The following C8orf74 variants were observed in gnomAD, a reference collection of about 807,000 sequenced individuals.
The protein encoded by C8orf74 is uncharacterized protein C8orf74.
In C8orf74, 29 loss-of-function variants were observed where a neutral mutation model predicts 22.2. The observed-to-expected ratio is 1.31, with a 90% CI of 0.97 to 1.78. The LOEUF (loss-of-function observed/expected upper bound fraction) is 1.78, where lower values mean the gene tolerates loss of function less well. Among genes scored for constraint, C8orf74 ranks in the 40% most tolerant of loss-of-function variants. C8orf74 has a pLI of 0.00. For missense variants in C8orf74, 515 were observed against 369.9 expected, an observed-to-expected ratio of 1.39 and a Z score of -3.22; for synonymous variants, 255 against 163.1, an observed-to-expected ratio of 1.56 and a Z score of -4.30.
intron 2 of C8orf74, among the ~76,000 whole-genome samples, chr8:10,696,792 T>A (rs1799511159): frequency 6.6e-6 from 1 of 152,012 alleles, no homozygotes; most frequent in Non-Finnish European, 1.5e-5. Context: ...TACATTCTCA[T>A]CTCCTTCCTA....
intron 2 of C8orf74, among the ~76,000 whole-genome samples, chr8:10,675,321 G>A (rs189575345): frequency 6.6e-6 from 1 of 152,342 alleles, no homozygotes; most frequent in East Asian, 1.9e-4. Context: ...CTGGCCCTGT[G>A]CAGGGCTTGC....
At chr8:10,685,166 G>T (rs1043643362) in intron 2 of C8orf74, among the ~76,000 whole-genome samples, 1 of 152,214 alleles carries the variant, frequency 6.6e-6, no homozygotes, top group Non-Finnish European at 1.5e-5. Flanking sequence ...TGGAGCTACA[G>T]TTAAGGGTGG....
Position 10,700,497 on chromosome 8 carries a change from G to C in C8orf74, c.*26G>C. 3.5e-6 allele frequency: 5 copies of C among 1,442,616 alleles called. No individual in the cohort carries two copies. The highest frequency in any genetic ancestry group is 4.7e-6 in the Non-Finnish European group (5 of 1,066,956). 89.4% of individuals were successfully genotyped at this position (1,442,616 alleles called of 1,614,324 possible). On this transcript the variant is annotated 3_prime_UTR_variant, in exon 4 of 4. Transcript: ENST00000304519. The stretch of plus-strand genomic sequence containing the variant: ...AAGGTCCCGACTGCCACACGAGACT[G>C]ACTGGGGACCAGCCACCCATAACCA...
At chr8:10,687,123 G>GCCA (rs1291151336) in intron 2 of C8orf74, 2 of 456,168 alleles carry the variant, frequency 4.4e-6, no homozygotes, top group African/African-American at 4.0e-5. Context: ...GTGTAGGAAT[G>GCCA]CCAGCAGAGG....
chr8:10,674,910 C>T (rs1288287934), intron 2 of C8orf74, 72 bp downstream of exon 2: 8 of 1,308,362 alleles, frequency 6.1e-6, no homozygotes, highest in East Asian at 5.1e-5. Flanking sequence ...ACTCCCCTGC[C>T]GTCCACAGCC....
chr8:10,696,441 C>CTTTTTTTTTTTTTTTTTTTTTTTTTTTT (rs546082377), intron 2 of C8orf74, among the ~76,000 whole-genome samples: 1 of 102,424 alleles, frequency 9.8e-6, no homozygotes, highest in Non-Finnish European at 1.9e-5. Context: ...CTTTTCTTTT[C>CTTTTTTTTTTTTTTTTTTTTTTTTTTTT]TTTTTTTTTT....
chr8:10,691,751 G>A (rs10107820), intron 2 of C8orf74: 21,292 of 152,274 alleles, frequency 0.14, 4,809 homozygotes, highest in African/African-American at 0.47. Context: ...TTAACCCCAA[G>A]GAATTTGATA....
At chr8:10,690,401 G>C (rs979392850) in intron 2 of C8orf74, among the ~76,000 whole-genome samples, 7 of 152,250 alleles carry the variant, frequency 4.6e-5, no homozygotes, top group Non-Finnish European at 7.4e-5. Context: ...GAGCACAAAG[G>C]GGGCAGGGGG....
intron 3 of C8orf74, among the ~76,000 whole-genome samples, chr8:10,698,922 C>CAA (rs1799592225): frequency 6.6e-6 from 1 of 151,192 alleles, no homozygotes; most frequent in Non-Finnish European, 1.5e-5. Flanking sequence ...CACACACACA[C>CAA]ACACACACAC....
At chr8:10,686,225 T>C (rs1431573364) in intron 2 of C8orf74, among the ~76,000 whole-genome samples, 2 of 152,226 alleles carry the variant, frequency 1.3e-5, no homozygotes, top group Admixed American at 6.5e-5. Flanking sequence ...AATGGCTGTG[T>C]TGTACTCTCC....
At chr8:10,696,034 C>T (rs556418965) in intron 2 of C8orf74, among the ~76,000 whole-genome samples, 16 of 152,298 alleles carry the variant, frequency 1.1e-4, no homozygotes, top group African/African-American at 3.9e-4. Flanking sequence ...GGTCTCCACG[C>T]CTGGGCCATG....
At chr8:10,688,947 C>T (rs966613681) in intron 2 of C8orf74, 2 of 152,244 alleles carry the variant, frequency 1.3e-5, no homozygotes, top group African/African-American at 4.8e-5. Context: ...TCCTGACAAT[C>T]CTGCCTGTCC....
At chr8:10,697,205 G>A (rs1199812270) in intron 2 of C8orf74, among the ~76,000 whole-genome samples, 2 of 152,170 alleles carry the variant, frequency 1.3e-5, no homozygotes, top group South Asian at 2.1e-4. Context: ...TTAGGAGGCC[G>A]AGGCAGGAGG....
At chr8:10,693,092 T>A (rs1273777579) in intron 2 of C8orf74, 2 of 152,298 alleles carry the variant, frequency 1.3e-5, no homozygotes, top group Non-Finnish European at 2.9e-5. Flanking sequence ...TGCTAGGGGC[T>A]TTGAGGGCCT....
intron 2 of C8orf74, among the ~76,000 whole-genome samples, chr8:10,690,603 G>A (rs930666254): frequency 6.6e-6 from 1 of 152,050 alleles, no homozygotes; most frequent in African/African-American, 2.4e-5. Flanking sequence ...CTGGTTTATC[G>A]GGGTACCTGA....
intron 3 of C8orf74, 65 bp from the exon 4 acceptor site, chr8:10,700,170 G>C: frequency 9.7e-7 from 1 of 1,026,852 alleles, no homozygotes; most frequent in South Asian, 1.6e-5. Context: ...AACAGGGGCT[G>C]AGTTGAGAAC....
intron 1 of C8orf74, among the ~76,000 whole-genome samples, chr8:10,673,973 A>C: frequency 2.0e-5 from 2 of 100,504 alleles, no homozygotes; most frequent in African/African-American, 4.0e-5. Context: ...CATATCCCAC[A>C]ACCCCCATAT....
rs112327878 is a variant in C8orf74 at position 10,686,324 on chromosome 8, C to G, written c.242-11275C>G. 2.9e-3 allele frequency among the ~76,000 whole-genome samples: 437 copies of G among 152,274 alleles called. 1 individual carries two copies. Among genetic ancestry groups the G allele is most frequent in the African/African-American group, 0.01 (420 of 41,538 alleles). ...TGCATGCTCTAAACCTCAGTTTCTT[C>G]ATCTGTTAAATGGTGTCAAATACCT... On this transcript the variant is annotated intron_variant, in intron 2 of 3. Transcript: ENST00000304519.
At position 10,672,763 on chromosome 8, in the gene C8orf74, G is replaced by T. The variant is rs1563152594; in HGVS notation, c.48+50G>T. 5 of 1,514,698 alleles carry T rather than the reference G, an allele frequency of 3.3e-6. No individual in the cohort carries two copies. The East Asian group carries it at 1.2e-4, about 37-fold the overall frequency. The allele number at this position is 1,514,698 out of a possible 1,614,324, so 93.8% of individuals were successfully genotyped here. On this transcript the variant is annotated intron_variant, in intron 1 of 3. Transcript: ENST00000304519. ...TTAAACAGAAACTGGCTCATCCTGG[G>T]CACATAGGGAGGTGGGCACTGGAAG...
Sources: allele counts gnomAD v4.1 joint callset (sites outside exome capture counted in the v4.1 genomes callset), GRCh38; gene constraint gnomAD v4.1.1; transcripts MANE v1.5; gene names NCBI Gene and HGNC (gene_info 2026-07-23, HGNC 2026-07-21).